The following CCDC85A variants were observed in gnomAD, a reference collection of about 807,000 sequenced individuals.
The protein encoded by CCDC85A is coiled-coil domain containing 85A, also known as coiled-coil domain-containing protein 85A.
Under a neutral mutation model 50.2 loss-of-function variants are expected in CCDC85A, and 38 were observed. The ratio of observed to expected loss-of-function variants is 0.76; its 90% confidence interval spans 0.58 to 0.99. The LOEUF is 0.99. CCDC85A is among the 50% of genes least tolerant of loss of function. The pLI, the probability that CCDC85A is intolerant of heterozygous loss-of-function variation, is 0.00. For missense variants in CCDC85A, 820 were observed against 742.0 expected (o/e 1.11, Z -1.22); for synonymous variants, 366 against 301.4 (o/e 1.21, Z -2.22).
At chr2:56,375,093 T>C (rs1469085057) in intron 4 of CCDC85A, among the ~76,000 whole-genome samples, 1 of 152,190 alleles carries the variant, frequency 6.6e-6, no homozygotes, top group Non-Finnish European at 1.5e-5. Flanking sequence ...GATCCATTAG[T>C]CTTCCCCCAA....
intron 2 of CCDC85A, among the ~76,000 whole-genome samples, chr2:56,241,546 T>C (rs1669260031): frequency 1.3e-5 from 2 of 152,154 alleles, no homozygotes; most frequent in South Asian, 4.1e-4. Flanking sequence ...TTCAATTGTT[T>C]TGATTTTTAG....
At chr2:56,186,182 A>C (rs1676037692) in intron 1 of CCDC85A, among the ~76,000 whole-genome samples, 2 of 152,216 alleles carry the variant, frequency 1.3e-5, no homozygotes, top group Non-Finnish European at 2.9e-5. Flanking sequence ...TCCTCCAGTC[A>C]GAAAAATGCC....
Position 56,323,223 on chromosome 2 carries a change from A to G in CCDC85A, c.1241-19656A>G, listed in dbSNP as rs187888453. 9.2e-5 allele frequency among the ~76,000 whole-genome samples: 14 copies of G among 152,234 alleles called. No individual in the cohort carries two copies. The East Asian group carries it at 2.5e-3, about 27-fold the overall frequency. On this transcript the variant is annotated intron_variant, in intron 2 of 5. Transcript: ENST00000407595. ...ATGAGTTAATGGGTGCAGCACACCA[A>G]CATGGCGCATGTATACATATGTAAC...
chr2:56,347,727 TA>T (rs756252690), intron 3 of CCDC85A, among the ~76,000 whole-genome samples: 1 of 152,128 alleles, frequency 6.6e-6, no homozygotes, highest in Non-Finnish European at 1.5e-5. Flanking sequence ...GGAGGGTGGA[TA>T]GGGGGAACTG....
chr2:56,371,428 A>G (rs1053379407), intron 3 of CCDC85A, among the ~76,000 whole-genome samples: 9 of 152,082 alleles, frequency 5.9e-5, no homozygotes, highest in Admixed American at 3.3e-4. Flanking sequence ...TTATGTTCTT[A>G]TTTTCAGTCT....
intron 2 of CCDC85A, among the ~76,000 whole-genome samples, chr2:56,315,938 T>C (rs1412934683): frequency 6.6e-6 from 1 of 152,118 alleles, no homozygotes; most frequent in Non-Finnish European, 1.5e-5. Flanking sequence ...CTAGAATAAC[T>C]GAGGGAGCAA....
intron 3 of CCDC85A, among the ~76,000 whole-genome samples, chr2:56,367,708 G>A (rs558104268): frequency 1.6e-4 from 25 of 152,080 alleles, no homozygotes; most frequent in African/African-American, 5.1e-4. Flanking sequence ...AATCACCCCC[G>A]CCCCCAATGA....
chr2:56,224,593 T>G (rs1402831946), intron 2 of CCDC85A, among the ~76,000 whole-genome samples: 3 of 152,196 alleles, frequency 2.0e-5, no homozygotes, highest in Non-Finnish European at 2.9e-5. Flanking sequence ...AGGGTTCCAC[T>G]TCCTCCACAT....
chr2:56,319,712 A>G (rs1229942141), intron 2 of CCDC85A, among the ~76,000 whole-genome samples: 1 of 152,078 alleles, frequency 6.6e-6, no homozygotes, highest in Non-Finnish European at 1.5e-5. Flanking sequence ...TCACAGTTTC[A>G]GCAGTTGAAG....
At chr2:56,359,037 C>T (rs917251786) in intron 3 of CCDC85A, among the ~76,000 whole-genome samples, 2 of 151,518 alleles carry the variant, frequency 1.3e-5, no homozygotes, top group Non-Finnish European at 2.9e-5. Flanking sequence ...CTCCTGACCT[C>T]AGGCGATCCA....
At chr2:56,300,941 A>G (rs899061910) in intron 2 of CCDC85A, among the ~76,000 whole-genome samples, 1 of 152,204 alleles carries the variant, frequency 6.6e-6, no homozygotes, top group Non-Finnish European at 1.5e-5. Context: ...ACAAACTCCG[A>G]AGTTTAGTCT....
chr2:56,194,283 T>G (rs1676441910), intron 2 of CCDC85A, among the ~76,000 whole-genome samples: 1 of 152,204 alleles, frequency 6.6e-6, no homozygotes, highest in South Asian at 2.1e-4. Flanking sequence ...TTTTAAACCT[T>G]TTCGAAGAGG....
chr2:56,314,111 C>G (rs191850173), intron 2 of CCDC85A, among the ~76,000 whole-genome samples: 1 of 147,368 alleles, frequency 6.8e-6, no homozygotes, highest in Non-Finnish European at 1.5e-5. Flanking sequence ...AGACCAGGGA[C>G]GGGAATCAAG....
chr2:56,309,464 A>C (rs543077521), intron 2 of CCDC85A, among the ~76,000 whole-genome samples: 1 of 152,300 alleles, frequency 6.6e-6, no homozygotes, highest in East Asian at 1.9e-4. Flanking sequence ...AGTTTATTTA[A>C]TGTCACAATG....
At chr2:56,340,749 G>T (rs1674321612) in intron 2 of CCDC85A, among the ~76,000 whole-genome samples, 1 of 151,898 alleles carries the variant, frequency 6.6e-6, no homozygotes, top group African/African-American at 2.4e-5. Context: ...GGTGGCACAT[G>T]CCTGTAATCC....
rs1397248143 is a variant in CCDC85A at position 56,184,883 on chromosome 2, G to A, written c.259G>A (p.Glu87Lys). The change falls in exon 1 of 6, where the codon GAG (glutamate) becomes AAG (lysine). Residue 87 changes from glutamate to lysine, a missense_variant. By Grantham distance (56) the Glu-to-Lys change is moderately conservative. Transcript: ENST00000407595. Reference protein sequence around the residue: ...VNRRLQLHLGEIRGLKDINQK... With the variant: ...VNRRLQLHLGKIRGLKDINQK... ...CCGCCGCCTGCAGCTGCACCTCGGCGAGATCCGCGGCCTCAAGGTGAGCGC... is the reference window on the plus strand; with the variant it reads ...CCGCCGCCTGCAGCTGCACCTCGGCAAGATCCGCGGCCTCAAGGTGAGCGC... The A allele has an allele frequency of 6.6e-7, 1 of 1,521,872 alleles. No individual in the cohort carries two copies. Among genetic ancestry groups the A allele is most frequent in the African/African-American group, 1.4e-5 (1 of 70,354 alleles). 94.3% of individuals were successfully genotyped at this position (1,521,872 alleles called of 1,614,324 possible).
chr2:56,311,149 T>G (rs891657747), intron 2 of CCDC85A, among the ~76,000 whole-genome samples: 1 of 152,164 alleles, frequency 6.6e-6, no homozygotes, highest in Non-Finnish European at 1.5e-5. Flanking sequence ...TAAAAATTCT[T>G]TAGAATTCTT....
At chr2:56,260,797 A>G (rs1670184714) in intron 2 of CCDC85A, among the ~76,000 whole-genome samples, 6 of 152,244 alleles carry the variant, frequency 3.9e-5, no homozygotes. Context: ...GACATATAAA[A>G]GAGTGTCCTC....
At chr2:56,206,095 C>T (rs1267640180) in intron 2 of CCDC85A, among the ~76,000 whole-genome samples, 3 of 152,026 alleles carry the variant, frequency 2.0e-5, no homozygotes, top group Non-Finnish European at 2.9e-5. Flanking sequence ...TAGGTCTATG[C>T]TTAGGTATTT....
Sources: gnomAD v4.1 joint callset for allele counts (sites outside exome capture counted in the v4.1 genomes callset) on GRCh38, gnomAD v4.1.1 for gene constraint, MANE v1.5 for transcripts, NCBI Gene and HGNC (gene_info 2026-07-23, HGNC 2026-07-21) for gene names.